The following ANO6 variants were observed in gnomAD, a reference collection of about 807,000 sequenced individuals.
The protein encoded by ANO6 is anoctamin-6.
In ANO6, 106 loss-of-function variants were observed where a neutral mutation model predicts 117.5. That is an observed-to-expected ratio of 0.90 (90% CI 0.77 to 1.06). ANO6 has a LOEUF of 1.06. Ranked by LOEUF, ANO6 falls within the 50% of genes least tolerant of loss-of-function variation. ANO6 has a pLI of 0.00. For synonymous variants in ANO6, 367 were observed against 385.1 expected, an observed-to-expected ratio of 0.95 and a Z score of 0.55; for missense variants, 955 against 1,121.1, an observed-to-expected ratio of 0.85 and a Z score of 2.12.
intron 1 of ANO6, among the ~76,000 whole-genome samples, chr12:45,263,236 G>A (rs1938102576): frequency 6.6e-6 from 1 of 151,408 alleles, no homozygotes; most frequent in African/African-American, 2.4e-5. Context: ...TTGAGAGACA[G>A]AGTCTTTCTC....
intron 1 of ANO6, among the ~76,000 whole-genome samples, chr12:45,280,836 G>T (rs1049011893): frequency 1.3e-5 from 2 of 151,992 alleles, no homozygotes; most frequent in African/African-American, 4.8e-5. Flanking sequence ...CATATACATT[G>T]TGTGCATGTA....
intron 1 of ANO6, chr12:45,270,325 A>G (rs1265833654): frequency 1.2e-5 from 15 of 1,215,090 alleles, no homozygotes; most frequent in Non-Finnish European, 1.4e-5. Context: ...GAGAGCAAAA[A>G]TGGTCAAATG....
At chr12:45,317,791 C>T (rs1940102372) in intron 2 of ANO6, among the ~76,000 whole-genome samples, 1 of 152,158 alleles carries the variant, frequency 6.6e-6, no homozygotes, top group Non-Finnish European at 1.5e-5. Flanking sequence ...CTGTTGCTTC[C>T]TGACTTTTTA....
chr12:45,367,910 C>A, intron 9 of ANO6, 117 bp downstream of exon 9: 1 of 770,810 alleles, frequency 1.3e-6, no homozygotes, highest in Non-Finnish European at 2.2e-6. Context: ...TATTTTTCAA[C>A]TAACCTTTCA....
chr12:45,280,205 C>T (rs972934183), intron 1 of ANO6, among the ~76,000 whole-genome samples: 1 of 152,220 alleles, frequency 6.6e-6, no homozygotes, highest in African/African-American at 2.4e-5. Context: ...ATAATACGCC[C>T]ATCTCTGTAT....
At chr12:45,247,174 C>G (rs1947838723) in intron 1 of ANO6, among the ~76,000 whole-genome samples, 1 of 152,144 alleles carries the variant, frequency 6.6e-6, no homozygotes, top group Admixed American at 6.5e-5. Flanking sequence ...GATCTGCCCA[C>G]CTCAGCCTCC....
At chr12:45,254,179 G>A (rs890329316) in intron 1 of ANO6, among the ~76,000 whole-genome samples, 2 of 152,132 alleles carry the variant, frequency 1.3e-5, no homozygotes, top group African/African-American at 2.4e-5. Flanking sequence ...AAAAAAGTTC[G>A]CCATTCTTAC....
chr12:45,299,272 C>A (rs959059330), intron 1 of ANO6, among the ~76,000 whole-genome samples: 1 of 152,174 alleles, frequency 6.6e-6, no homozygotes, highest in Admixed American at 6.5e-5. Context: ...TAGTATGTTA[C>A]AACTCTCTCA....
At chr12:45,312,784 TATA>T (rs1416858470) in intron 2 of ANO6, among the ~76,000 whole-genome samples, 6 of 151,838 alleles carry the variant, frequency 4.0e-5, no homozygotes, top group Admixed American at 1.3e-4. Flanking sequence ...CCTGACAGAT[TATA>T]ATAACTACCA....
chr12:45,376,869 AG>A (rs974757674), intron 9 of ANO6, among the ~76,000 whole-genome samples: 3 of 148,474 alleles, frequency 2.0e-5, no homozygotes, highest in African/African-American at 7.5e-5. Context: ...AGAAAAAAAA[AG>A]AATATTGAAA....
chr12:45,302,544 G>T (rs1939530170), intron 2 of ANO6, among the ~76,000 whole-genome samples: 1 of 152,056 alleles, frequency 6.6e-6, no homozygotes, highest in Non-Finnish European at 1.5e-5. Context: ...CATGTATCTT[G>T]TAGGGCTAGG....
At chr12:45,338,928 A>G (rs1940902223) in intron 3 of ANO6, among the ~76,000 whole-genome samples, 1 of 152,114 alleles carries the variant, frequency 6.6e-6, no homozygotes, top group South Asian at 2.1e-4. Flanking sequence ...GGAGAAGAGA[A>G]AACCCTTTTT....
In ANO6 at chr12:45,289,815, G is replaced by C. The variant is rs11182960; in HGVS notation, c.71-12199G>C. Among the ~76,000 whole-genome samples the C allele has an allele frequency of 5.7e-3, 873 of 152,238 alleles. 11 individuals carry two copies. Among genetic ancestry groups the C allele is most frequent in the African/African-American group, 0.02 (818 of 41,528 alleles). On this transcript the variant is annotated intron_variant, in intron 1 of 19. Coordinates refer to ENST00000320560, the MANE Select transcript of ANO6 (RefSeq NM_001025356.3). ...TTTGAAGGTAATTGGCCAACCTTTT[G>C]CTCTGTGTGTATATGACAAGCAGCT...
At position 45,431,868 on chromosome 12, in the gene ANO6, G is replaced by T. The variant is rs1474422545; in HGVS notation, c.*2557G>T. The T allele has an allele frequency of 4.1e-6, 4 of 985,286 alleles. No individual in the cohort carries two copies. Among genetic ancestry groups the T allele is most frequent in the Non-Finnish European group, 4.8e-6 (4 of 829,940 alleles). 61.0% of individuals were successfully genotyped at this position (985,286 alleles called of 1,614,324 possible). The stretch of plus-strand genomic sequence containing the variant: ...ACTGAGCTTTATATCCTTTTTTAAT[G>T]CCTGTGAATTTTAGCATATTGAAAC... On this transcript the variant is annotated 3_prime_UTR_variant, in exon 20 of 20. Transcript: ENST00000320560.
exon 20 of ANO6, chr12:45,439,902 A>G: frequency 6.6e-7 from 1 of 1,506,214 alleles, no homozygotes; most frequent in Non-Finnish European, 8.9e-7. Flanking sequence ...CTTTGGGGCC[A>G]ACTCCGTGTT....
intron 7 of ANO6, among the ~76,000 whole-genome samples, chr12:45,356,716 G>C (rs1027312139): frequency 1.3e-5 from 2 of 152,080 alleles, no homozygotes; most frequent in Non-Finnish European, 2.9e-5. Context: ...GGTGATGGGG[G>C]AAAGAGGTGG....
chr12:45,251,050 G>A (rs1947894137), intron 1 of ANO6, among the ~76,000 whole-genome samples: 1 of 151,616 alleles, frequency 6.6e-6, no homozygotes, highest in Admixed American at 6.6e-5. Context: ...GGGCAACAGA[G>A]TGAGACCCTG....
rs1202828989 is a variant in ANO6, at chr12:45,314,456, T to TTA, written c.150+12373_150+12374dup. On this transcript the variant is annotated intron_variant, in intron 2 of 19. Transcript: ENST00000320560. ...AGACCTTATCTCTACAAAAAAAAAA[T>TTA]TATATATATATTATATATACACACA... Among the ~76,000 whole-genome samples, 384 of 97,756 alleles carry TTA rather than the reference T, an allele frequency of 3.9e-3. 1 individual carries two copies. The highest frequency in any genetic ancestry group is 0.012 in the African/African-American group (356 of 29,382). 64.1% of individuals were successfully genotyped at this position (97,756 alleles called of 152,430 possible). A position where few individuals can be genotyped will look rare whatever the true frequency, so the allele number is the denominator to read the frequency against.
rs145421032 is a variant in ANO6, at chr12:45,241,297, A to G, written c.70+24906A>G. On this transcript the variant is annotated intron_variant, in intron 1 of 19. Coordinates refer to ENST00000320560, the MANE Select transcript of ANO6 (RefSeq NM_001025356.3). ...CTTGTCTTCTTGCTTTATTTCATTC[A>G]TTTGATCTTCAATCACTGATATCAT... Among the ~76,000 whole-genome samples the G allele has an allele frequency of 6.5e-3, 995 of 151,972 alleles. 13 individuals are homozygous for G. Among genetic ancestry groups the G allele is most frequent in the African/African-American group, 0.022 (927 of 41,450 alleles).
Sources: allele counts gnomAD v4.1 joint callset (sites outside exome capture counted in the v4.1 genomes callset), GRCh38; gene constraint gnomAD v4.1.1; transcripts MANE v1.5; gene names NCBI Gene and HGNC (gene_info 2026-07-23, HGNC 2026-07-21).